Variants in FNIP1 observed in about 807,000 individuals in gnomAD.
FNIP1 encodes folliculin interacting protein 1.
In FNIP1, 40 loss-of-function variants were observed where a neutral mutation model predicts 124.5. The observed-to-expected ratio is 0.32, with a 90% CI of 0.25 to 0.42. The LOEUF is 0.42. Among genes scored for constraint, FNIP1 ranks in the 10% least tolerant of loss-of-function variants. FNIP1 has a pLI of 1.00. For missense variants in FNIP1, 1,176 were observed against 1,403.7 expected (o/e 0.84, Z 2.59); for synonymous variants, 472 against 470.6 (o/e 1.00, Z -0.04).
At chr5:131,668,953 G>A (rs31589) in intron 15 of FNIP1, among the ~76,000 whole-genome samples, 97,075 of 152,010 alleles carry the variant, frequency 0.64, 32,951 homozygotes, top group Non-Finnish European at 0.77. Context: ...ACTTCTCTTT[G>A]GAGAAGCCCT....
chr5:131,752,923 T>C (rs766324526), intron 1 of FNIP1, among the ~76,000 whole-genome samples: 1 of 152,016 alleles, frequency 6.6e-6, no homozygotes, highest in Non-Finnish European at 1.5e-5. Flanking sequence ...AAATATAAAA[T>C]TAGCCAGGTG....
chr5:131,773,660 C>A lies in FNIP1; in HGVS notation c.92+23170G>T, dbSNP rs149789744. On this transcript the variant is annotated intron_variant, in intron 1 of 17. Transcript: ENST00000510461. ...TTCAAAATTACAATACTTATTAGAT[C>A]CACTGCTAGGTCTTGTTATTTCATG... Among the ~76,000 whole-genome samples the A allele has an allele frequency of 3.2e-3, 482 of 152,218 alleles. 3 individuals are homozygous for A. The highest frequency in any genetic ancestry group is 0.011 in the African/African-American group (459 of 41,528).
chr5:131,717,497 C>T (rs1415966661), intron 5 of FNIP1, among the ~76,000 whole-genome samples: 2 of 152,062 alleles, frequency 1.3e-5, no homozygotes, highest in East Asian at 3.9e-4. Flanking sequence ...AAGGTTTCCC[C>T]TCATATTTTA....
chr5:131,679,033 T>A lies in FNIP1; in HGVS notation c.1345A>T (p.Asn449Tyr). 6.2e-7 allele frequency: 1 copy of A among 1,603,328 alleles called. No individual in the cohort carries two copies. Residue 449 changes from asparagine (N) to tyrosine (Y), a missense_variant, in exon 12 of 18, where the codon AAT (asparagine) becomes TAT (tyrosine). Transcript: ENST00000510461. ...FTFLMENASK[N>Y]QFLPALITAV... ...TTATAATAAATAAATTCATACTGAT[T>A]TTTGGAAGCATTTTCCATTAGAAAG...
intron 1 of FNIP1, among the ~76,000 whole-genome samples, chr5:131,774,489 C>T (rs1771738177): frequency 6.6e-6 from 1 of 152,154 alleles, no homozygotes; most frequent in Admixed American, 6.5e-5. Flanking sequence ...AAGTCACACA[C>T]CTATCTTTCA....
At chr5:131,766,296 C>T (rs746309514) in intron 1 of FNIP1, among the ~76,000 whole-genome samples, 56 of 152,130 alleles carry the variant, frequency 3.7e-4, no homozygotes, top group African/African-American at 1.3e-3. Flanking sequence ...CCTGCCTTGG[C>T]TTCCCAAAGT....
chr5:131,787,432 C>G (rs939559409), intron 1 of FNIP1, among the ~76,000 whole-genome samples: 1 of 152,136 alleles, frequency 6.6e-6, no homozygotes, highest in East Asian at 1.9e-4. Flanking sequence ...ACAGACACCC[C>G]GCAGTACTGG....
chr5:131,732,521 G>A (rs921821681), intron 2 of FNIP1, among the ~76,000 whole-genome samples: 6 of 152,160 alleles, frequency 3.9e-5, no homozygotes, highest in African/African-American at 1.4e-4. Flanking sequence ...GTGTAAGGAA[G>A]GGATCCAGTT....
chr5:131,754,346 T>C (rs1337657781), intron 1 of FNIP1, among the ~76,000 whole-genome samples: 2 of 152,162 alleles, frequency 1.3e-5, no homozygotes, highest in East Asian at 3.8e-4. Context: ...AGATAAGAGG[T>C]GTGCATAAGC....
In FNIP1 at chr5:131,703,878, T is replaced by A. The variant is rs80353346; in HGVS notation, c.1116+187A>T. Reference sequence around the variant, plus strand: ...TTTATTTACAGAACAAATGGATGAATGATCTTATATCTTTTACTAGACAGT... The same window carrying A: ...TTTATTTACAGAACAAATGGATGAAAGATCTTATATCTTTTACTAGACAGT... On this transcript the variant is annotated intron_variant, in intron 10 of 17. Transcript: ENST00000510461. 9.0e-3 allele frequency among the ~76,000 whole-genome samples: 1,374 copies of A among 152,322 alleles called. 12 individuals are homozygous for A. The highest frequency in any genetic ancestry group is 0.015 in the Non-Finnish European group (1,038 of 68,020).
At chr5:131,665,599 T>C (rs1382614195) in intron 15 of FNIP1, among the ~76,000 whole-genome samples, 1 of 149,314 alleles carries the variant, frequency 6.7e-6, no homozygotes, top group Non-Finnish European at 1.5e-5. Context: ...GATAGGTTTT[T>C]TTTTTTTTTT....
intron 3 of FNIP1, among the ~76,000 whole-genome samples, chr5:131,725,053 G>C (rs1769813659): frequency 6.6e-6 from 1 of 152,096 alleles, no homozygotes; most frequent in Admixed American, 6.6e-5. Context: ...CTGTTCCACT[G>C]GTCTATGTAT....
chr5:131,739,825 A>C (rs12517138), intron 2 of FNIP1, among the ~76,000 whole-genome samples: 75 of 151,574 alleles, frequency 4.9e-4, no homozygotes, highest in Admixed American at 1.8e-3. Context: ...AAAAAAAAAA[A>C]AAAAAAAAAA....
chr5:131,666,902 A>G (rs1767619857), intron 15 of FNIP1, among the ~76,000 whole-genome samples: 1 of 152,196 alleles, frequency 6.6e-6, no homozygotes. Flanking sequence ...AGAAGAAAAG[A>G]GACTAAGCAA....
At chr5:131,728,971 G>C (rs1457592500) in intron 3 of FNIP1, among the ~76,000 whole-genome samples, 1 of 152,136 alleles carries the variant, frequency 6.6e-6, no homozygotes, top group African/African-American at 2.4e-5. Context: ...GTTTGCTGGT[G>C]GTCCACTCCA....
intron 8 of FNIP1, among the ~76,000 whole-genome samples, chr5:131,708,356 C>T (rs1021240779): frequency 6.6e-6 from 1 of 152,180 alleles, no homozygotes; most frequent in Non-Finnish European, 1.5e-5. Flanking sequence ...CATGCTATCA[C>T]ACTGAATTAA....
chr5:131,753,279 A>T (rs1475159155), intron 1 of FNIP1, among the ~76,000 whole-genome samples: 1 of 152,212 alleles, frequency 6.6e-6, no homozygotes, highest in Non-Finnish European at 1.5e-5. Context: ...CTCACAGGAA[A>T]TTTATCCAAT....
intron 2 of FNIP1, among the ~76,000 whole-genome samples, chr5:131,731,290 C>T (rs1341698926): frequency 1.3e-5 from 2 of 152,116 alleles, no homozygotes; most frequent in Non-Finnish European, 2.9e-5. Flanking sequence ...TAGATTACCA[C>T]GGCCTATACG....
At chr5:131,796,189 G>C (rs1326913098) in intron 1 of FNIP1, 1 of 152,202 alleles carries the variant, frequency 6.6e-6, no homozygotes, top group Non-Finnish European at 1.5e-5. Context: ...CATTCAATTT[G>C]GTCTTCCTTC....
Sources: gnomAD v4.1 joint callset for allele counts (sites outside exome capture counted in the v4.1 genomes callset) on GRCh38, gnomAD v4.1.1 for gene constraint, MANE v1.5 for transcripts, NCBI Gene and HGNC (gene_info 2026-07-23, HGNC 2026-07-21) for gene names.